The following GID4 variants were observed in gnomAD, a reference collection of about 807,000 sequenced individuals.
GID4 encodes glucose-induced degradation protein 4 homolog.
Under a neutral mutation model 32.4 loss-of-function variants are expected in GID4, and 7 were observed. The observed-to-expected ratio is 0.22, with a 90% CI of 0.12 to 0.41. GID4 has a LOEUF of 0.41. GID4 is among the 10% of genes least tolerant of loss of function. The probability of loss-of-function intolerance (pLI) is 1.00; values close to 1 mark genes in which losing one functional copy is unlikely to be tolerated. For synonymous variants in GID4, 166 were observed against 170.0 expected (o/e 0.98, Z 0.18); for missense variants, 309 against 400.0 (o/e 0.77, Z 1.94).
At chr17:18,053,595 C>A (rs1002522998) in intron 2 of GID4, among the ~76,000 whole-genome samples, 1 of 151,902 alleles carries the variant, frequency 6.6e-6, no homozygotes, top group Non-Finnish European at 1.5e-5. Flanking sequence ...CCAGCCTGGG[C>A]GACAGAGCAA....
Position 18,066,485 on chromosome 17 carries a change from T to TGTGTGTGTATGA in GID4, c.*1242_*1243insGTGTGTGTATGA, listed in dbSNP as rs2045064641. The TGTGTGTGTATGA allele has an allele frequency of 6.6e-6, 1 of 150,622 alleles. No homozygotes were observed. The highest frequency in any genetic ancestry group is 2.1e-4 in the South Asian group (1 of 4,786). 9.3% of individuals were successfully genotyped at this position (150,622 alleles called of 1,614,324 possible). ...GTGTGTGTGTGTGTGTGTGTGTGTG[T>TGTGTGTGTATGA]ATGATGTTTTGTTTTTTTAAATGTT... is the stretch of plus-strand genomic sequence containing the variant. On this transcript the variant is annotated 3_prime_UTR_variant, in exon 6 of 6. Coordinates refer to ENST00000268719, the MANE Select transcript of GID4 (RefSeq NM_024052.5).
At chr17:18,057,942 T>A in intron 3 of GID4, among the ~76,000 whole-genome samples, 1 of 152,084 alleles carries the variant, frequency 6.6e-6, no homozygotes, top group South Asian at 2.1e-4. Context: ...CACGCCATTC[T>A]CCTCCTCAGC....
intron 2 of GID4, among the ~76,000 whole-genome samples, chr17:18,052,942 G>A (rs891113120): frequency 6.6e-6 from 1 of 151,642 alleles, no homozygotes; most frequent in Non-Finnish European, 1.5e-5. Context: ...ACTACCTTCA[G>A]GGACCATTTG....
intron 2 of GID4, among the ~76,000 whole-genome samples, chr17:18,048,159 C>A (rs1252467606): frequency 6.6e-6 from 1 of 151,674 alleles, no homozygotes; most frequent in South Asian, 2.1e-4. Context: ...TCTCGGCCTC[C>A]CATAGCGCTG....
At chr17:18,054,671 A>C (rs980527039) in intron 3 of GID4, among the ~76,000 whole-genome samples, 1 of 152,174 alleles carries the variant, frequency 6.6e-6, no homozygotes, top group African/African-American at 2.4e-5. Context: ...CCACTGGCTT[A>C]TCAGGGCAGA....
intron 2 of GID4, among the ~76,000 whole-genome samples, chr17:18,045,694 G>T (rs1300020635): frequency 6.6e-6 from 1 of 151,632 alleles, no homozygotes; most frequent in Non-Finnish European, 1.5e-5. Context: ...AGGGAGACCA[G>T]CCTGGCCAAC....
chr17:18,042,248 C>G (rs528564079), intron 1 of GID4, among the ~76,000 whole-genome samples: 23 of 152,156 alleles, frequency 1.5e-4, no homozygotes, highest in Non-Finnish European at 2.6e-4. Flanking sequence ...TGTTTAACCA[C>G]CACCACAACC....
intron 2 of GID4, among the ~76,000 whole-genome samples, chr17:18,048,540 T>C (rs1201672051): frequency 1.3e-5 from 2 of 152,226 alleles, no homozygotes; most frequent in Non-Finnish European, 2.9e-5. Context: ...CCGTAGATAA[T>C]AGTAAAATGC....
At chr17:18,063,470 G>A (rs2045034549) in intron 5 of GID4, among the ~76,000 whole-genome samples, 1 of 152,116 alleles carries the variant, frequency 6.6e-6, no homozygotes. Context: ...TAACTATCAA[G>A]TTTAGAACAT....
chr17:18,054,930 G>A (rs1403014521), intron 3 of GID4, among the ~76,000 whole-genome samples: 2 of 152,122 alleles, frequency 1.3e-5, no homozygotes, highest in Non-Finnish European at 2.9e-5. Context: ...CCAGCACTTT[G>A]GGAGGCCGAG....
At chr17:18,053,988 G>A (rs1002742261) in intron 2 of GID4, 139 bp from the exon 3 acceptor site, 4 of 484,280 alleles carry the variant, frequency 8.3e-6, no homozygotes, top group East Asian at 3.3e-5. Context: ...AACTGGCTGC[G>A]ATCTAACTCT....
At chr17:18,045,238 A>G (rs775382662) in intron 2 of GID4, 32 bp downstream of exon 2, 1 of 1,585,320 alleles carries the variant, frequency 6.3e-7, no homozygotes, top group Middle Eastern at 1.7e-4. Context: ...CCAGCACTAG[A>G]AAGTCTGTGG....
chr17:18,044,163 T>C (rs760486717), intron 1 of GID4, among the ~76,000 whole-genome samples: 1 of 152,184 alleles, frequency 6.6e-6, no homozygotes, highest in Non-Finnish European at 1.5e-5. Flanking sequence ...TTCTTCCTCA[T>C]GCGCCTCTTC....
rs531877188 is a variant in GID4 at position 18,049,368 on chromosome 17, A to C, written c.498+4162A>C. ...AAAAAAAAAGGAGATAAGTGTCAAA[A>C]AAAAAAAAAAGGAGCTAAATGGCCT... On this transcript the variant is annotated intron_variant, in intron 2 of 5. Coordinates refer to ENST00000268719, the MANE Select transcript of GID4 (RefSeq NM_024052.5). 4.9e-3 allele frequency among the ~76,000 whole-genome samples: 739 copies of C among 151,756 alleles called. 5 individuals are homozygous for C. Among genetic ancestry groups the C allele is most frequent in the East Asian group, 0.03 (154 of 5,158 alleles).
intron 2 of GID4, among the ~76,000 whole-genome samples, chr17:18,046,274 CT>C (rs964292108): frequency 1.2e-4 from 18 of 152,174 alleles, no homozygotes; most frequent in African/African-American, 3.9e-4. Context: ...CCTTTAACTT[CT>C]TTCAGTGTCC....
chr17:18,041,512 G>A (rs2044803063), intron 1 of GID4, among the ~76,000 whole-genome samples: 1 of 152,184 alleles, frequency 6.6e-6, no homozygotes, highest in Non-Finnish European at 1.5e-5. Context: ...ATACGATTGT[G>A]GCTGAAATAT....
intron 1 of GID4, among the ~76,000 whole-genome samples, chr17:18,042,375 T>A (rs2044811437): frequency 6.6e-6 from 1 of 152,272 alleles, no homozygotes. Flanking sequence ...TTGTCTATTC[T>A]GGACATTTCA....
At position 18,065,353 on chromosome 17, in the gene GID4, G is replaced by C. The variant is rs527297354; in HGVS notation, c.*110G>C. 1.3e-6 allele frequency: 1 copy of C among 796,824 alleles called. No homozygotes were observed. Among genetic ancestry groups the C allele is most frequent in the African/African-American group, 1.7e-5 (1 of 59,004 alleles). The allele number at this position is 796,824 out of a possible 1,614,324, so 49.4% of individuals were successfully genotyped here. On this transcript the variant is annotated 3_prime_UTR_variant, in exon 6 of 6. Transcript: ENST00000268719. ...GAGAAGTGTGTTCCTGTTTCTTCAC[G>C]AGCAGACTCGCATCACAAAGCATGA...
intron 2 of GID4, among the ~76,000 whole-genome samples, chr17:18,047,299 G>A (rs1243564622): frequency 3.9e-5 from 6 of 152,212 alleles, no homozygotes; most frequent in Non-Finnish European, 7.3e-5. Context: ...CAACTCTCAG[G>A]TAGCCAAATA....
Sources: allele counts gnomAD v4.1 joint callset (sites outside exome capture counted in the v4.1 genomes callset), GRCh38; gene constraint gnomAD v4.1.1; transcripts MANE v1.5; gene names NCBI Gene and HGNC (gene_info 2026-07-23, HGNC 2026-07-21).